TRIP13: variants seen among roughly 807,000 people sequenced by gnomAD.
TRIP13 encodes thyroid hormone receptor interactor 13, also known as pachytene checkpoint protein 2 homolog.
A neutral mutation model predicts 54.4 loss-of-function variants in TRIP13; 25 were observed. The observed-to-expected ratio is 0.46, with a 90% CI of 0.33 to 0.64. The LOEUF is 0.64. Among genes scored for constraint, TRIP13 ranks in the 30% least tolerant of loss-of-function variants. TRIP13 has a pLI of 0.02. For missense variants in TRIP13, 373 were observed against 534.2 expected (o/e 0.70, Z 2.97); for synonymous variants, 207 against 207.8 (o/e 1.00, Z 0.03).
chr5:907,318 G>C lies in TRIP13; in HGVS notation c.672+125G>C. 1 of 850,256 alleles carries C rather than the reference G, an allele frequency of 1.2e-6. No homozygotes were observed. The highest frequency in any genetic ancestry group is 1.6e-5 in the South Asian group (1 of 62,680). The allele number at this position is 850,256 out of a possible 1,614,324, so 52.7% of individuals were successfully genotyped here. On this transcript the variant is annotated intron_variant, in intron 7 of 12. Coordinates refer to ENST00000166345, the MANE Select transcript of TRIP13 (RefSeq NM_004237.4). This position sits in a 1 kb window ranked among gnomAD's most constrained non-coding sequence, Gnocchi z 4.1. ...GGGTGGGAAGGGTGTGTGAGGATTG[G>C]GGCTGACTGTGATCAGAGAAGGTTC... is the stretch of plus-strand genomic sequence containing the variant.
chr5:909,790 G>A (rs1025156505), intron 9 of TRIP13, among the ~76,000 whole-genome samples: 8 of 152,246 alleles, frequency 5.3e-5, no homozygotes, highest in African/African-American at 1.9e-4. Flanking sequence ...TAAAGGAATA[G>A]GTGGGGCTAG....
At chr5:916,791 G>T (rs1325349628) in intron 12 of TRIP13, among the ~76,000 whole-genome samples, 2 of 148,652 alleles carry the variant, frequency 1.3e-5, no homozygotes, top group African/African-American at 5.2e-5. Context: ...CATGGCGGGG[G>T]CGGGGGTCAC....
chr5:918,805 C>A (rs889657539), downstream of TRIP13, among the ~76,000 whole-genome samples: 1 of 152,106 alleles, frequency 6.6e-6, no homozygotes, highest in African/African-American at 2.4e-5. The surrounding 1 kb of genome is among the most constrained non-coding windows in gnomAD (Gnocchi z 4.3). Context: ...AGGTTAGGCC[C>A]GTCTCGCCTT....
intron 5 of TRIP13, among the ~76,000 whole-genome samples, chr5:903,408 T>C (rs1463278057): frequency 6.6e-6 from 1 of 152,170 alleles, no homozygotes; most frequent in Non-Finnish European, 1.5e-5. Flanking sequence ...CAAGGATTAT[T>C]ATAATATTGG....
chr5:900,431 G>A, intron 3 of TRIP13, 63 bp from the exon 4 acceptor site: 1 of 1,554,822 alleles, frequency 6.4e-7, no homozygotes, highest in Non-Finnish European at 8.9e-7. Context: ...AGGGGAGACT[G>A]ACTGGGGGTG....
chr5:900,388 G>C (rs1384107745), intron 3 of TRIP13, 106 bp from the exon 4 acceptor site: 9 of 1,089,844 alleles, frequency 8.3e-6, no homozygotes, highest in Non-Finnish European at 1.2e-5. Context: ...GTCTTGCCTG[G>C]AGCAGCACAA....
At chr5:893,122 G>C in intron 1 of TRIP13, 32 bp downstream of exon 1, 1 of 1,542,842 alleles carries the variant, frequency 6.5e-7, no homozygotes, top group Non-Finnish European at 8.7e-7. Context: ...CATCCTCTGG[G>C]CACCCACCCG....
chr5:907,891 TG>T lies in TRIP13; in HGVS notation c.673-93del. 1 of 1,248,396 alleles carries T rather than the reference TG, an allele frequency of 8.0e-7. No homozygotes were observed. Among genetic ancestry groups the T allele is most frequent in the Non-Finnish European group, 1.2e-6 (1 of 853,590 alleles). 77.3% of individuals were successfully genotyped at this position (1,248,396 alleles called of 1,614,324 possible). On this transcript the variant is annotated intron_variant, in intron 7 of 12. Transcript: ENST00000166345. The surrounding 1 kb of genome is among the most constrained non-coding windows in gnomAD (Gnocchi z 4.1). ...GGGCCGTCAGGAGACAGTGGGCTTG[TG>T]GGGACAACTGGGGCAGCAGGCCACA...
In TRIP13 at chr5:907,413, C is replaced by T. The variant is rs143101729; in HGVS notation, c.672+220C>T. On this transcript the variant is annotated intron_variant, in intron 7 of 12. Transcript: ENST00000166345. This position sits in a 1 kb window ranked among gnomAD's most constrained non-coding sequence, Gnocchi z 4.1. ...CTGTGACTGGGTGGGACAGGACAATCGATGGACTCTCAGAAGGGCAGGGCT... is the reference window on the plus strand; with the variant it reads ...CTGTGACTGGGTGGGACAGGACAATTGATGGACTCTCAGAAGGGCAGGGCT... 2.8e-3 allele frequency among the ~76,000 whole-genome samples: 431 copies of T among 152,286 alleles called. 4 individuals are homozygous for T. Among genetic ancestry groups the T allele is most frequent in the African/African-American group, 9.7e-3 (402 of 41,556 alleles).
chr5:915,377 GC>G lies in TRIP13; in HGVS notation c.1134-524del, dbSNP rs976875707. 6.6e-6 allele frequency among the ~76,000 whole-genome samples: 1 copy of G among 152,114 alleles called. No individual in the cohort carries two copies. The highest frequency in any genetic ancestry group is 2.4e-5 in the African/African-American group (1 of 41,412). On this transcript the variant is annotated intron_variant, in intron 11 of 12. Coordinates refer to ENST00000166345, the MANE Select transcript of TRIP13 (RefSeq NM_004237.4). The surrounding 1 kb of genome is among the most constrained non-coding windows in gnomAD (Gnocchi z 4.2). ...GCCTTCCCTGAGCGCAAGGATGCTG[GC>G]CCTGGGGCAGAGGCTCCCGGGCAGG...
At position 911,247 on chromosome 5, in the gene TRIP13, G is replaced by A. The variant is rs11950677; in HGVS notation, c.867-596G>A. Among the ~76,000 whole-genome samples the A allele has an allele frequency of 9.4e-3, 1,439 of 152,324 alleles. 27 individuals carry two copies. The highest frequency in any genetic ancestry group is 0.033 in the African/African-American group (1,382 of 41,582). ...TGGTGGGCACCAGAGCCCACGGTAG[G>A]TGGCACAATCAGGAACGCCATGCGA... On this transcript the variant is annotated intron_variant, in intron 9 of 12. Coordinates refer to ENST00000166345, the MANE Select transcript of TRIP13 (RefSeq NM_004237.4). This position sits in a 1 kb window ranked among gnomAD's most constrained non-coding sequence, Gnocchi z 4.7.
intron 3 of TRIP13, 78 bp downstream of exon 3, chr5:896,872 G>A (rs1046504351): frequency 3.4e-6 from 5 of 1,461,590 alleles, no homozygotes; most frequent in Non-Finnish European, 4.6e-6. Context: ...GTTCACAGGG[G>A]GGGTTCTGTT....
Position 908,342 on chromosome 5 carries a change from TC to T in TRIP13, c.760-10del. On this transcript the variant is annotated splice_polypyrimidine_tract_variant and intron_variant, in intron 8 of 12. Coordinates refer to ENST00000166345, the MANE Select transcript of TRIP13 (RefSeq NM_004237.4). The surrounding 1 kb of genome is among the most constrained non-coding windows in gnomAD (Gnocchi z 5.2). ...GCCCTGTCCTTTTTGACCCCACTGC[TC>T]CCTCCCAACAGGTGGAGAGTCTCAC... 6.2e-7 allele frequency: 1 copy of T among 1,609,478 alleles called. No individual in the cohort carries two copies. Among genetic ancestry groups the T allele is most frequent in the African/African-American group, 1.3e-5 (1 of 75,016 alleles).
At position 911,663 on chromosome 5, in the gene TRIP13, A is replaced by G. The variant is rs1259633956; in HGVS notation, c.867-180A>G. Among the ~76,000 whole-genome samples, 1 of 151,990 alleles carries G rather than the reference A, an allele frequency of 6.6e-6. No individual in the cohort carries two copies. Among genetic ancestry groups the G allele is most frequent in the Admixed American group, 6.5e-5 (1 of 15,280 alleles). On this transcript the variant is annotated intron_variant, in intron 9 of 12. Coordinates refer to ENST00000166345, the MANE Select transcript of TRIP13 (RefSeq NM_004237.4). The surrounding 1 kb of genome is among the most constrained non-coding windows in gnomAD (Gnocchi z 4.7). ...GGGCTGTAGAATTCCCAGAAGGCCA[A>G]GGAGCAGCGAGAGCAAAGGCTGGGG...
chr5:906,452 ACAGTAT>A (rs1754117068), intron 6 of TRIP13, among the ~76,000 whole-genome samples: 1 of 152,214 alleles, frequency 6.6e-6, no homozygotes, highest in Non-Finnish European at 1.5e-5. Flanking sequence ...GTTTTAATAA[ACAGTAT>A]CAGTAAACGG....
rs1366685826 is a variant in TRIP13 at position 912,020 on chromosome 5, T to G, written c.1020+24T>G. ...AGGTACCTTTATTTTTTTTTTCCTCTTGATACAAATGGATTTCTTATATGT... is the reference window on the plus strand; with the variant it reads ...AGGTACCTTTATTTTTTTTTTCCTCGTGATACAAATGGATTTCTTATATGT... On this transcript the variant is annotated intron_variant, in intron 10 of 12. Coordinates refer to ENST00000166345, the MANE Select transcript of TRIP13 (RefSeq NM_004237.4). This position sits in a 1 kb window ranked among gnomAD's most constrained non-coding sequence, Gnocchi z 7.2. The G allele has an allele frequency of 1.9e-6, 3 of 1,596,388 alleles. No individual in the cohort carries two copies. Among genetic ancestry groups the G allele is most frequent in the Non-Finnish European group, 2.6e-6 (3 of 1,174,456 alleles).
intron 5 of TRIP13, among the ~76,000 whole-genome samples, chr5:903,086 T>A (rs970901838): frequency 6.6e-6 from 1 of 152,102 alleles, no homozygotes; most frequent in Non-Finnish European, 1.5e-5. Flanking sequence ...GTCTGACTAA[T>A]GTCAGGCCCT....
At chr5:910,610 G>C (rs527457992) in intron 9 of TRIP13, among the ~76,000 whole-genome samples, 10 of 152,288 alleles carry the variant, frequency 6.6e-5, no homozygotes, top group African/African-American at 9.6e-5. Flanking sequence ...TCACAAGGGG[G>C]TGTGGCTCAG....
chr5:905,394 G>A (rs565963763), intron 6 of TRIP13, among the ~76,000 whole-genome samples: 3 of 152,136 alleles, frequency 2.0e-5, no homozygotes, highest in Non-Finnish European at 4.4e-5. Context: ...CATCGGGGGC[G>A]CCATGAGGAT....
Sources: gnomAD v4.1 joint callset for allele counts (sites outside exome capture counted in the v4.1 genomes callset) on GRCh38, gnomAD v4.1.1 for gene constraint, Gnocchi (gnomAD v3.1) non-coding constraint, MANE v1.5 for transcripts, NCBI Gene and HGNC (gene_info 2026-07-23, HGNC 2026-07-21) for gene names.